The following FAM53B variants were observed in gnomAD, a reference collection of about 807,000 sequenced individuals.
FAM53B encodes the protein family with sequence similarity 53 member B.
FAM53B carries 12 observed loss-of-function variants against 32.7 expected under a neutral mutation model. The observed-to-expected ratio is 0.37, with a 90% CI of 0.24 to 0.59. FAM53B has a LOEUF of 0.59. FAM53B is among the 20% of genes least tolerant of loss of function. The pLI, the probability that FAM53B is intolerant of heterozygous loss-of-function variation, is 0.72. For missense variants in FAM53B, 477 were observed against 577.7 expected (o/e 0.83, Z 1.79); for synonymous variants, 234 against 228.7 (o/e 1.02, Z -0.21).
intron 1 of FAM53B, among the ~76,000 whole-genome samples, chr10:124,739,958 C>A (rs1346391147): frequency 4.0e-5 from 6 of 151,060 alleles, no homozygotes; most frequent in African/African-American, 1.5e-4. Flanking sequence ...AACAAAAAAA[C>A]AAACAAACAA....
intron 1 of FAM53B, among the ~76,000 whole-genome samples, chr10:124,709,930 C>T (rs1307102151): frequency 6.6e-6 from 1 of 152,132 alleles, no homozygotes; most frequent in Admixed American, 6.5e-5. Flanking sequence ...AGAGGAACCA[C>T]GTCCAACCCT....
intron 2 of FAM53B, among the ~76,000 whole-genome samples, chr10:124,698,881 T>TC (rs1949893296): frequency 6.6e-6 from 1 of 152,044 alleles, no homozygotes; most frequent in Non-Finnish European, 1.5e-5. Flanking sequence ...CCACTACCTC[T>TC]CCTCCACAGC....
intron 4 of FAM53B, among the ~76,000 whole-genome samples, chr10:124,630,497 C>G (rs1238802270): frequency 6.6e-6 from 1 of 152,186 alleles, no homozygotes; most frequent in Non-Finnish European, 1.5e-5. Context: ...AAAGAGGCAG[C>G]CCTTCTGAGT....
chr10:124,707,322 C>T (rs1031082494), intron 1 of FAM53B, among the ~76,000 whole-genome samples: 2 of 152,198 alleles, frequency 1.3e-5, no homozygotes, highest in Admixed American at 6.5e-5. Context: ...CATCCAACAC[C>T]AAAGGGGTCG....
chr10:124,663,102 G>C (rs1307589363), intron 4 of FAM53B, among the ~76,000 whole-genome samples: 1 of 152,216 alleles, frequency 6.6e-6, no homozygotes, highest in African/African-American at 2.4e-5. Flanking sequence ...TCAATGTCAT[G>C]TGAGTGTGGA....
At chr10:124,726,392 G>C (rs1444314949) in intron 1 of FAM53B, among the ~76,000 whole-genome samples, 1 of 152,174 alleles carries the variant, frequency 6.6e-6, no homozygotes, top group East Asian at 1.9e-4. Flanking sequence ...AAGGAGAACA[G>C]TGGCATCGTC....
rs117169399 is a variant in FAM53B, at chr10:124,735,023, G to A, written c.-175+8990C>T. Among the ~76,000 whole-genome samples the A allele has an allele frequency of 3.0e-3, 461 of 152,266 alleles. 15 individuals carry two copies. The East Asian group carries it at 0.077, about 25-fold the overall frequency. On this transcript the variant is annotated intron_variant, in intron 1 of 4. Transcript: ENST00000337318. Reference sequence around the variant, plus strand: ...GTGGCAAAGGGATCTAGAAGCAGCCGGAATCACACCGCAGGCCGAGCTGGG... The same window carrying A: ...GTGGCAAAGGGATCTAGAAGCAGCCAGAATCACACCGCAGGCCGAGCTGGG...
chr10:124,653,722 A>G (rs1312496194), intron 4 of FAM53B, among the ~76,000 whole-genome samples: 2 of 152,212 alleles, frequency 1.3e-5, no homozygotes, highest in Admixed American at 6.5e-5. Context: ...TGGCCCACGC[A>G]GAGCCTATCT....
intron 4 of FAM53B, among the ~76,000 whole-genome samples, chr10:124,678,860 G>A (rs1231610399): frequency 6.6e-6 from 1 of 152,132 alleles, no homozygotes; most frequent in Non-Finnish European, 1.5e-5. Flanking sequence ...ACCGAATGAT[G>A]GCCAGAGGGA....
At chr10:124,677,535 G>T (rs1949743989) in intron 4 of FAM53B, among the ~76,000 whole-genome samples, 1 of 152,254 alleles carries the variant, frequency 6.6e-6, no homozygotes, top group Admixed American at 6.5e-5. Flanking sequence ...GTACAGGGAG[G>T]GCGGCCACTG....
intron 3 of FAM53B, among the ~76,000 whole-genome samples, chr10:124,684,874 A>C (rs1423944600): frequency 1.3e-5 from 2 of 152,234 alleles, no homozygotes; most frequent in Non-Finnish European, 2.9e-5. Flanking sequence ...CAACTATCCC[A>C]GTTATCTGAT....
intron 4 of FAM53B, among the ~76,000 whole-genome samples, chr10:124,627,348 G>A (rs1949362320): frequency 6.6e-6 from 1 of 152,236 alleles, no homozygotes; most frequent in Admixed American, 6.5e-5. Context: ...CTACCCCATG[G>A]AAGAACACTG....
At chr10:124,687,716 A>T (rs1949811081) in intron 3 of FAM53B, among the ~76,000 whole-genome samples, 1 of 152,086 alleles carries the variant, frequency 6.6e-6, no homozygotes, top group South Asian at 2.1e-4. Flanking sequence ...AGGTTTCTAG[A>T]CCCCGTCTCT....
At chr10:124,625,917 C>A (rs909780367) in intron 4 of FAM53B, among the ~76,000 whole-genome samples, 1 of 152,226 alleles carries the variant, frequency 6.6e-6, no homozygotes, top group African/African-American at 2.4e-5. Flanking sequence ...TTCTCCTGAC[C>A]CTGGCTGAGC....
chr10:124,739,346 T>C (rs937820975), intron 1 of FAM53B, among the ~76,000 whole-genome samples: 1 of 152,246 alleles, frequency 6.6e-6, no homozygotes, highest in Admixed American at 6.5e-5. Context: ...GCTTTGAGAA[T>C]TAGAGAGTGT....
intron 1 of FAM53B, among the ~76,000 whole-genome samples, chr10:124,727,750 G>A (rs934119076): frequency 6.6e-6 from 1 of 152,008 alleles, no homozygotes; most frequent in African/African-American, 2.4e-5. Flanking sequence ...CATAGGAACC[G>A]AGATGATGTG....
chr10:124,701,014 G>A (rs527389110), intron 2 of FAM53B, among the ~76,000 whole-genome samples: 7 of 152,338 alleles, frequency 4.6e-5, no homozygotes, highest in South Asian at 2.1e-4. Context: ...TCAAAGATGC[G>A]GATAGAGATA....
chr10:124,657,848 CAA>C (rs761553168), intron 4 of FAM53B, among the ~76,000 whole-genome samples: 8 of 152,210 alleles, frequency 5.3e-5, no homozygotes, highest in Non-Finnish European at 1.2e-4. Context: ...ATGACTTGCT[CAA>C]AGTCCCACAG....
intron 4 of FAM53B, among the ~76,000 whole-genome samples, chr10:124,672,449 G>A (rs1949712273): frequency 6.6e-6 from 1 of 152,228 alleles, no homozygotes; most frequent in Non-Finnish European, 1.5e-5. Flanking sequence ...CCTCCCTTTC[G>A]CTGCATCCTC....
Sources: allele counts gnomAD v4.1 joint callset (sites outside exome capture counted in the v4.1 genomes callset), GRCh38; gene constraint gnomAD v4.1.1; transcripts MANE v1.5; gene names NCBI Gene and HGNC (gene_info 2026-07-23, HGNC 2026-07-21).